GRM5: variants seen among roughly 807,000 people sequenced by gnomAD.
GRM5 encodes metabotropic glutamate receptor 5.
A neutral mutation model predicts 83.1 loss-of-function variants in GRM5; 19 were observed. That is an observed-to-expected ratio of 0.23 (90% CI 0.16 to 0.34). The LOEUF (loss-of-function observed/expected upper bound fraction) is 0.34, where lower values mean the gene tolerates loss of function less well. Among genes scored for constraint, GRM5 ranks in the 10% least tolerant of loss-of-function variants. The pLI is 1.00. For missense variants in GRM5, 1,160 were observed against 1,588.3 expected (o/e 0.73, Z 4.58); for synonymous variants, 675 against 633.6 (o/e 1.07, Z -0.98).
At chr11:88,854,182 A>G (rs1316212003) in intron 2 of GRM5, among the ~76,000 whole-genome samples, 1 of 151,618 alleles carries the variant, frequency 6.6e-6, no homozygotes, top group East Asian at 1.9e-4. Flanking sequence ...TGTACCGCTA[A>G]TGGGACCTGT....
chr11:88,996,543 A>G (rs921486787), intron 2 of GRM5, among the ~76,000 whole-genome samples: 13 of 152,374 alleles, frequency 8.5e-5, no homozygotes, highest in East Asian at 3.9e-4. Flanking sequence ...AAGCTGATAC[A>G]ATTTAAAAGA....
intron 2 of GRM5, among the ~76,000 whole-genome samples, chr11:88,885,382 T>C (rs1452975855): frequency 2.0e-5 from 3 of 146,668 alleles, no homozygotes; most frequent in Non-Finnish European, 3.0e-5. Flanking sequence ...GAAAAATCCA[T>C]TGAGAACTTT....
At chr11:88,648,807 A>G (rs1321203687) in intron 4 of GRM5, among the ~76,000 whole-genome samples, 1 of 151,858 alleles carries the variant, frequency 6.6e-6, no homozygotes, top group Non-Finnish European at 1.5e-5. Flanking sequence ...AATCATAGAA[A>G]AAAGAAAAGA....
chr11:88,920,806 C>T (rs1464802152), intron 2 of GRM5, among the ~76,000 whole-genome samples: 4 of 152,188 alleles, frequency 2.6e-5, no homozygotes, highest in Admixed American at 2.6e-4. Context: ...TGGTTTGCTG[C>T]ACCTATCAAC....
intron 2 of GRM5, among the ~76,000 whole-genome samples, chr11:88,928,394 C>G (rs1945826282): frequency 6.6e-6 from 1 of 151,558 alleles, no homozygotes. Flanking sequence ...AGTTGTGGGT[C>G]TGTGAATCCA....
At chr11:89,053,446 G>A (rs1271383459) in intron 1 of GRM5, among the ~76,000 whole-genome samples, 1 of 152,134 alleles carries the variant, frequency 6.6e-6, no homozygotes. Flanking sequence ...AATACATAGA[G>A]TATAAATTCC....
intron 8 of GRM5, among the ~76,000 whole-genome samples, chr11:88,544,233 C>T (rs1209139390): frequency 6.6e-6 from 1 of 152,162 alleles, no homozygotes; most frequent in South Asian, 2.1e-4. Context: ...GTGGTATTCT[C>T]TTATAGCAAC....
chr11:88,829,959 G>A (rs1943957435), intron 3 of GRM5, among the ~76,000 whole-genome samples: 1 of 152,068 alleles, frequency 6.6e-6, no homozygotes, highest in Non-Finnish European at 1.5e-5. Context: ...ATGTGAGGAA[G>A]AGAATGTCCA....
At chr11:88,881,120 T>C (rs1281106590) in intron 2 of GRM5, among the ~76,000 whole-genome samples, 2 of 151,994 alleles carry the variant, frequency 1.3e-5, no homozygotes, top group Non-Finnish European at 2.9e-5. Flanking sequence ...TTAAGTGACA[T>C]GTATTTTTCA....
chr11:88,796,306 C>A (rs3862368), intron 3 of GRM5, among the ~76,000 whole-genome samples: 32,804 of 152,072 alleles, frequency 0.22, 4,705 homozygotes, highest in Non-Finnish European at 0.32. Flanking sequence ...TCTTAAACAC[C>A]TTTTTAATAG....
rs935442953 is a variant in GRM5 at position 88,799,339 on chromosome 11, T to A, written c.911+50567A>T. Among the ~76,000 whole-genome samples the A allele has an allele frequency of 2.9e-5, 4 of 136,646 alleles. No homozygotes were observed. In the South Asian group the frequency reaches 8.9e-4, roughly 31 times the overall value. The allele number at this position is 136,646 out of a possible 152,430, so 89.6% of individuals were successfully genotyped here. On this transcript the variant is annotated intron_variant, in intron 3 of 9. Transcript: ENST00000305447. ...GTTTAACATAGCAATTTATCAACAA[T>A]AGTTAAGTTAGGGACTATAAAACAG...
At chr11:88,841,433 G>T (rs1014936313) in intron 3 of GRM5, among the ~76,000 whole-genome samples, 1 of 152,050 alleles carries the variant, frequency 6.6e-6, no homozygotes, top group African/African-American at 2.4e-5. Context: ...TAATGACTTT[G>T]CTTTTTCTTG....
intron 2 of GRM5, among the ~76,000 whole-genome samples, chr11:88,931,145 C>T (rs990497996): frequency 1.3e-5 from 2 of 151,706 alleles, no homozygotes; most frequent in Non-Finnish European, 2.9e-5. Context: ...AAGCTTAAAA[C>T]TTCTCCTGAA....
intron 3 of GRM5, among the ~76,000 whole-genome samples, chr11:88,714,706 C>T (rs936668321): frequency 1.3e-5 from 2 of 151,830 alleles, no homozygotes; most frequent in African/African-American, 4.8e-5. Flanking sequence ...TCATGCTCAT[C>T]AGAATTAGTC....
chr11:88,597,201 C>G lies in GRM5; in HGVS notation c.1546G>C (p.Glu516Gln). ...IIRSVCSEPC[E>Q]KGQIKVIRKG... ...CATTTTACCTTGATCTGGCCTTTCT[C>G]ACATGGTTCACTGCACACAGATCTG... Residue 516 changes from glutamate to glutamine, a missense_variant, in exon 6 of 10, where the codon GAG (glutamate) becomes CAG (glutamine). By Grantham distance (29) the Glu-to-Gln change is conservative (BLOSUM62 2). Coordinates refer to ENST00000305447, the MANE Select transcript of GRM5 (RefSeq NM_001143831.3). 1 of 1,578,964 alleles carries G rather than the reference C, an allele frequency of 6.3e-7. No individual in the cohort carries two copies. The highest frequency in any genetic ancestry group is 8.6e-7 in the Non-Finnish European group (1 of 1,165,314).
chr11:88,660,460 C>G (rs1939876072), intron 3 of GRM5, among the ~76,000 whole-genome samples: 1 of 152,160 alleles, frequency 6.6e-6, no homozygotes, highest in African/African-American at 2.4e-5. Flanking sequence ...TACTACAACT[C>G]CATGGAGATT....
intron 2 of GRM5, among the ~76,000 whole-genome samples, chr11:89,008,818 C>G (rs1374856695): frequency 6.6e-6 from 1 of 152,042 alleles, no homozygotes; most frequent in Non-Finnish European, 1.5e-5. Context: ...AAAAGGCAAT[C>G]AAGAAAAATC....
At chr11:88,946,839 C>T (rs1938297838) in intron 2 of GRM5, among the ~76,000 whole-genome samples, 2 of 152,030 alleles carry the variant, frequency 1.3e-5, no homozygotes, top group African/African-American at 4.8e-5. Context: ...CTACAGGGTT[C>T]AGGGAGAAAA....
chr11:88,712,246 A>T (rs1265432822), intron 3 of GRM5, among the ~76,000 whole-genome samples: 1 of 152,046 alleles, frequency 6.6e-6, no homozygotes, highest in Non-Finnish European at 1.5e-5. Context: ...TCTGAGGTCC[A>T]TTATTTTTGT....
Sources: gnomAD v4.1 joint callset for allele counts (sites outside exome capture counted in the v4.1 genomes callset) on GRCh38, gnomAD v4.1.1 for gene constraint, MANE v1.5 for transcripts, NCBI Gene and HGNC (gene_info 2026-07-23, HGNC 2026-07-21) for gene names.